The following NF1 variants were observed in gnomAD, a reference collection of about 807,000 sequenced individuals.
NF1 encodes the protein neurofibromin.
A neutral mutation model predicts 325.7 loss-of-function variants in NF1; 122 were observed. That is an observed-to-expected ratio of 0.37 (90% CI 0.32 to 0.44). The LOEUF (loss-of-function observed/expected upper bound fraction) is 0.44. NF1 is among the 20% of genes least tolerant of loss of function. The pLI is 1.00. For missense variants in NF1, 2,140 were observed against 3,415.4 expected (o/e 0.63, Z 9.31); for synonymous variants, 1,091 against 1,186.0 (o/e 0.92, Z 1.65).
intron 1 of NF1, among the ~76,000 whole-genome samples, chr17:31,126,687 C>T (rs879392183): frequency 1.3e-5 from 2 of 151,982 alleles, no homozygotes; most frequent in Admixed American, 6.6e-5. Context: ...AGTGATCTAC[C>T]CACCTCAGCC....
intron 36 of NF1, among the ~76,000 whole-genome samples, chr17:31,322,688 G>T (rs993684813): frequency 5.9e-5 from 9 of 151,782 alleles, no homozygotes; most frequent in Non-Finnish European, 5.9e-5. Context: ...GAAATAAAAA[G>T]AACTTTATTT....
chr17:31,277,827 G>T (rs552482553), intron 36 of NF1, among the ~76,000 whole-genome samples: 1 of 152,124 alleles, frequency 6.6e-6, no homozygotes, highest in East Asian at 1.9e-4. Context: ...ACTACTTCAG[G>T]TGTAGTATCA....
chr17:31,123,999 C>T (rs962254777), intron 1 of NF1, among the ~76,000 whole-genome samples: 2 of 151,714 alleles, frequency 1.3e-5, no homozygotes, highest in Admixed American at 1.3e-4. Flanking sequence ...ATTATAAATA[C>T]TTCTAATTTG....
chr17:31,151,666 ATAATACT>A (rs537394273), intron 1 of NF1, among the ~76,000 whole-genome samples: 169 of 152,314 alleles, frequency 1.1e-3, no homozygotes, highest in Middle Eastern at 0.01. Flanking sequence ...TTGATTACTG[ATAATACT>A]TAATACAATG....
intron 29 of NF1, among the ~76,000 whole-genome samples, chr17:31,244,085 G>T (rs1304279878): frequency 6.6e-6 from 1 of 152,042 alleles, no homozygotes; most frequent in Non-Finnish European, 1.5e-5. Flanking sequence ...TTTCCTTCTG[G>T]CCCAGGGTTT....
intron 24 of NF1, among the ~76,000 whole-genome samples, chr17:31,231,438 A>G (rs1246140150): frequency 1.3e-5 from 2 of 152,198 alleles, no homozygotes; most frequent in African/African-American, 4.8e-5. Context: ...GCCTAGCTTT[A>G]TAATACAGTC....
At chr17:31,212,160 GA>G (rs1195563065) in intron 12 of NF1, among the ~76,000 whole-genome samples, 1 of 151,690 alleles carries the variant, frequency 6.6e-6, no homozygotes, top group Non-Finnish European at 1.5e-5. Flanking sequence ...TTTTTATTTT[GA>G]AAACTGTTTT....
rs940262758 is a variant in NF1 at position 31,105,520 on chromosome 17, CT to C, written c.60+10162del. 4.9e-3 allele frequency among the ~76,000 whole-genome samples: 725 copies of C among 147,172 alleles called. 4 individuals are homozygous for C. The highest frequency in any genetic ancestry group is 0.016 in the African/African-American group (664 of 40,318). ...TCTTATTCCATTGAACTTCAGATAACTTTTTTTTTTTGAGATGGAGTTTTGC... is the reference window on the plus strand; with the variant it reads ...TCTTATTCCATTGAACTTCAGATAACTTTTTTTTTTGAGATGGAGTTTTGC... On this transcript the variant is annotated intron_variant, in intron 1 of 57. Coordinates refer to ENST00000358273, the MANE Select transcript of NF1 (RefSeq NM_001042492.3).
At position 31,376,156 on chromosome 17, in the gene NF1, T is replaced by TC; in HGVS notation, c.*2002dup. ...CTTGGCTCTCCCACAACCCAGTGTTTCTGGGGTAAGTTTCACAGTTTCTAG... is the reference window on the plus strand; with the variant it reads ...CTTGGCTCTCCCACAACCCAGTGTTTCCTGGGGTAAGTTTCACAGTTTCTAG... On this transcript the variant is annotated 3_prime_UTR_variant, in exon 58 of 58. Transcript: ENST00000358273. 1 of 233,078 alleles carries TC rather than the reference T, an allele frequency of 4.3e-6. No individual in the cohort carries two copies. The highest frequency in any genetic ancestry group is 2.2e-5 in the African/African-American group (1 of 45,468). The allele number at this position is 233,078 out of a possible 1,614,324, so 14.4% of individuals were successfully genotyped here.
intron 1 of NF1, among the ~76,000 whole-genome samples, chr17:31,145,419 T>C (rs1192774151): frequency 3.9e-5 from 6 of 152,298 alleles, no homozygotes; most frequent in Non-Finnish European, 7.4e-5. Context: ...CTCAAATTCC[T>C]GACCTCATGT....
At chr17:31,332,193 CGGT>C (rs1403174560) in intron 39 of NF1, among the ~76,000 whole-genome samples, 2 of 151,014 alleles carry the variant, frequency 1.3e-5, no homozygotes, top group Non-Finnish European at 3.0e-5. Context: ...CGGCCAGACG[CGGT>C]GGCTCACGCC....
intron 8 of NF1, among the ~76,000 whole-genome samples, chr17:31,185,858 G>C (rs2066228922): frequency 6.6e-6 from 1 of 152,184 alleles, no homozygotes; most frequent in East Asian, 1.9e-4. Context: ...ATGCTGTTTC[G>C]AGCCTTTGGC....
At chr17:31,207,939 C>T (rs749577409) in intron 12 of NF1, among the ~76,000 whole-genome samples, 9 of 152,038 alleles carry the variant, frequency 5.9e-5, no homozygotes, top group Non-Finnish European at 1.2e-4. Context: ...TATTTAACTT[C>T]AATATCCACT....
rs1597660105 is a variant in NF1, at chr17:31,182,656, C to T, written c.879C>T (p.Asn293=). ...DISKDVVDEN[N]MNKKLFLDSL... ...CCAAAGACGTGGTTGATGAAAACAACATGAATAAGGTAAGGAGGGCAAAAT... is the reference window on the plus strand; with the variant it reads ...CCAAAGACGTGGTTGATGAAAACAATATGAATAAGGTAAGGAGGGCAAAAT... The change falls in exon 8 of 58, where the codon AAC becomes AAT. Residue 293 remains asparagine, a synonymous_variant. Coordinates refer to ENST00000358273, the MANE Select transcript of NF1 (RefSeq NM_001042492.3). 5 of 1,613,256 alleles carry T rather than the reference C, an allele frequency of 3.1e-6. No homozygotes were observed. The highest frequency in any genetic ancestry group is 1.7e-5 in the Admixed American group (1 of 59,980).
intron 3 of NF1, among the ~76,000 whole-genome samples, chr17:31,160,220 G>T (rs1050560344): frequency 6.6e-6 from 1 of 152,024 alleles, no homozygotes; most frequent in African/African-American, 2.4e-5. Context: ...CAAGTAGCTG[G>T]GATTACAGGC....
In NF1 at chr17:31,338,698, T is replaced by C. The variant is rs1597845896; in HGVS notation, c.6820-6T>C. On this transcript the variant is annotated splice_region_variant and splice_polypyrimidine_tract_variant and intron_variant, in intron 45 of 57. Coordinates refer to ENST00000358273, the MANE Select transcript of NF1 (RefSeq NM_001042492.3). ...AGTAAAATAAAAAATTCTGTTTTCC[T>C]AAAAGGCACTTGAGAGTTGCTTAAA... 1 of 1,605,844 alleles carries C rather than the reference T, an allele frequency of 6.2e-7. No homozygotes were observed. Among genetic ancestry groups the C allele is most frequent in the Non-Finnish European group, 8.5e-7 (1 of 1,172,822 alleles).
chr17:31,248,179 G>A (rs2067430626), intron 29 of NF1, among the ~76,000 whole-genome samples: 1 of 150,852 alleles, frequency 6.6e-6, no homozygotes. Flanking sequence ...TCCAGCCTGG[G>A]CAACGAGAGT....
chr17:31,307,759 A>G (rs2068762840), intron 36 of NF1: 1 of 526,736 alleles, frequency 1.9e-6, no homozygotes, highest in Non-Finnish European at 3.1e-6. Flanking sequence ...ACATTAGGGA[A>G]TAGAAAATCT....
At chr17:31,296,000 ATGT>A (rs750423501) in intron 36 of NF1, 9 of 1,614,026 alleles carry the variant, frequency 5.6e-6, no homozygotes, top group East Asian at 2.2e-5. Context: ...AAGAAGTTTA[ATGT>A]TGTTGTTAGC....
Sources: allele counts gnomAD v4.1 joint callset (sites outside exome capture counted in the v4.1 genomes callset), GRCh38; gene constraint gnomAD v4.1.1; transcripts MANE v1.5; gene names NCBI Gene and HGNC (gene_info 2026-07-23, HGNC 2026-07-21).